The following TTC28 variants were observed in gnomAD, a reference collection of about 807,000 sequenced individuals.
TTC28 encodes the protein tetratricopeptide repeat protein 28.
Under a neutral mutation model 198.0 loss-of-function variants are expected in TTC28, and 61 were observed. That is an observed-to-expected ratio of 0.31 (90% CI 0.25 to 0.38). The LOEUF is 0.38. Ranked by LOEUF, TTC28 falls within the 10% of genes least tolerant of loss-of-function variation. The pLI is 1.00. For synonymous variants in TTC28, 1,171 were observed against 1,297.8 expected (o/e 0.90, Z 2.10); for missense variants, 2,678 against 3,164.0 (o/e 0.85, Z 3.69).
At chr22:28,197,926 A>C (rs1450575769) in intron 5 of TTC28, among the ~76,000 whole-genome samples, 1 of 152,138 alleles carries the variant, frequency 6.6e-6, no homozygotes, top group African/African-American at 2.4e-5. Context: ...TTAGTGATTA[A>C]GGGGTCATAA....
At chr22:28,516,003 G>A (rs768762833) in intron 2 of TTC28, among the ~76,000 whole-genome samples, 13 of 151,916 alleles carry the variant, frequency 8.6e-5, no homozygotes, top group South Asian at 8.3e-4. Context: ...AAAATTAACC[G>A]GGCGTGGTCG....
chr22:28,285,669 T>C (rs1190446667), intron 5 of TTC28, among the ~76,000 whole-genome samples: 3 of 152,196 alleles, frequency 2.0e-5, no homozygotes. Context: ...AATTACATTG[T>C]ACACCTTGAA....
intron 12 of TTC28, among the ~76,000 whole-genome samples, chr22:28,056,852 T>C (rs1184045141): frequency 6.6e-6 from 1 of 152,198 alleles, no homozygotes; most frequent in Non-Finnish European, 1.5e-5. Flanking sequence ...CAGAGATTAA[T>C]TAGGCTTGTT....
At chr22:28,225,711 C>A (rs1245599268) in intron 5 of TTC28, among the ~76,000 whole-genome samples, 1 of 152,198 alleles carries the variant, frequency 6.6e-6, no homozygotes, top group Non-Finnish European at 1.5e-5. Flanking sequence ...ATCACCACGG[C>A]AGGCAACATA....
At chr22:28,511,554 C>T (rs753899882) in intron 2 of TTC28, among the ~76,000 whole-genome samples, 8 of 152,036 alleles carry the variant, frequency 5.3e-5, no homozygotes, top group South Asian at 2.1e-4. Context: ...CTATCCTGGC[C>T]GGGCACAGTG....
intron 2 of TTC28, among the ~76,000 whole-genome samples, chr22:28,466,053 T>C (rs1428971002): frequency 5.3e-5 from 8 of 152,230 alleles, no homozygotes; most frequent in Non-Finnish European, 1.0e-4. Context: ...CTTTATTCTG[T>C]GTGGCCAAAG....
At chr22:28,017,698 C>A (rs999626099) in intron 13 of TTC28, among the ~76,000 whole-genome samples, 1 of 152,158 alleles carries the variant, frequency 6.6e-6, no homozygotes, top group Non-Finnish European at 1.5e-5. Context: ...TGGGGAGAAG[C>A]AGTACCTCTT....
At chr22:28,538,644 C>T (rs2049348897) in intron 2 of TTC28, among the ~76,000 whole-genome samples, 2 of 150,194 alleles carry the variant, frequency 1.3e-5, no homozygotes, top group South Asian at 2.1e-4. Context: ...ACTGCAACCT[C>T]GGCCTCCCAA....
In TTC28 at chr22:28,510,280, G is replaced by A. The variant is rs140775955; in HGVS notation, c.381+119272C>T. Among the ~76,000 whole-genome samples the A allele has an allele frequency of 5.4e-3, 820 of 152,186 alleles. 5 individuals are homozygous for A. Among genetic ancestry groups the A allele is most frequent in the African/African-American group, 0.019 (791 of 41,502 alleles). On this transcript the variant is annotated intron_variant, in intron 2 of 22. Coordinates refer to ENST00000397906, the MANE Select transcript of TTC28 (RefSeq NM_001145418.2). ...TGCAAAAATCCTCAATAAAATACTG[G>A]CAAACCGAATCCAGCAGCACATCAC...
rs1936971889 is a variant in TTC28 at position 27,980,444 on chromosome 22, G to A, written c.*1777C>T. On this transcript the variant is annotated 3_prime_UTR_variant, in exon 23 of 23. Transcript: ENST00000397906. Reference sequence around the variant, plus strand: ...TGGTTAAATTAAAAACCCCTAGGATGGAGCTCAGGAGAACACAGATTGGAT... The same window carrying A: ...TGGTTAAATTAAAAACCCCTAGGATAGAGCTCAGGAGAACACAGATTGGAT... 1 of 152,258 alleles carries A rather than the reference G, an allele frequency of 6.6e-6. No individual in the cohort carries two copies. The highest frequency in any genetic ancestry group is 1.5e-5 in the Non-Finnish European group (1 of 68,060). 9.4% of individuals were successfully genotyped at this position (152,258 alleles called of 1,614,324 possible).
Position 28,107,861 on chromosome 22 carries a change from C to T in TTC28, c.1984G>A (p.Ala662Thr). ...TTGTCGTGAAGGTCTTTAGCCAGTGCCAGATCCTGTTCGTAGTACTTCACT... is the reference window on the plus strand; with the variant it reads ...TTGTCGTGAAGGTCTTTAGCCAGTGTCAGATCCTGTTCGTAGTACTTCACT... Reference protein sequence around the residue: ...EAVKYYEQDLALAKDLHDKLS... With the variant: ...EAVKYYEQDLTLAKDLHDKLS... The change falls in exon 7 of 23, where the codon GCA becomes ACA. Residue 662 changes from alanine to threonine, a missense_variant. Transcript: ENST00000397906. The T allele has an allele frequency of 6.4e-7, 1 of 1,551,808 alleles. No individual in the cohort carries two copies. Among genetic ancestry groups the T allele is most frequent in the South Asian group, 1.2e-5 (1 of 84,058 alleles).
intron 13 of TTC28, among the ~76,000 whole-genome samples, chr22:28,029,357 T>C (rs1938978649): frequency 6.6e-6 from 1 of 152,150 alleles, no homozygotes; most frequent in South Asian, 2.1e-4. Flanking sequence ...GGGCGCACAA[T>C]GCCCTGCACA....
rs2050467186 is a variant in TTC28 at position 28,593,240 on chromosome 22, G to C, written c.381+36312C>G. ...GTGTTCGGTGGTCTTCAGCTTTTGAGAAAACTGAAAGTCTTCAGAGGTTCG... is the reference window on the plus strand; with the variant it reads ...GTGTTCGGTGGTCTTCAGCTTTTGACAAAACTGAAAGTCTTCAGAGGTTCG... On this transcript the variant is annotated intron_variant, in intron 2 of 22. Transcript: ENST00000397906. Among the ~76,000 whole-genome samples the C allele has an allele frequency of 2.0e-5, 3 of 152,152 alleles. No homozygotes were observed. In the South Asian group the frequency reaches 6.2e-4, roughly 32 times the overall value.
intron 2 of TTC28, among the ~76,000 whole-genome samples, chr22:28,464,244 AG>A (rs1287542170): frequency 6.6e-6 from 1 of 152,204 alleles, no homozygotes; most frequent in African/African-American, 2.4e-5. Context: ...TCTGGAGAAA[AG>A]GGAAAGAAGG....
intron 6 of TTC28, among the ~76,000 whole-genome samples, chr22:28,150,858 G>A (rs922159309): frequency 1.3e-5 from 2 of 152,200 alleles, no homozygotes; most frequent in African/African-American, 2.4e-5. Context: ...AAGAACAGCC[G>A]AAGGTAGGGT....
At chr22:28,376,967 A>G (rs1337328716) in intron 2 of TTC28, among the ~76,000 whole-genome samples, 1 of 152,142 alleles carries the variant, frequency 6.6e-6, no homozygotes, top group Non-Finnish European at 1.5e-5. Context: ...AGCCAGAGTG[A>G]AAAAAACCTT....
chr22:28,395,168 AT>A (rs1434354505), intron 2 of TTC28, among the ~76,000 whole-genome samples: 1 of 152,170 alleles, frequency 6.6e-6, no homozygotes, highest in Non-Finnish European at 1.5e-5. Flanking sequence ...AGAGATATGC[AT>A]GCATATGTAT....
intron 1 of TTC28, among the ~76,000 whole-genome samples, chr22:28,638,788 C>T (rs951354047): frequency 2.0e-5 from 3 of 152,198 alleles, no homozygotes; most frequent in Non-Finnish European, 2.9e-5. Flanking sequence ...ATTAGCAATA[C>T]ATTTTGTTGG....
At chr22:28,084,001 C>T (rs1031016520) in intron 12 of TTC28, among the ~76,000 whole-genome samples, 1 of 152,232 alleles carries the variant, frequency 6.6e-6, no homozygotes, top group Non-Finnish European at 1.5e-5. Context: ...AGTAGGTAAA[C>T]AAAGTGGCCA....
Sources: allele counts gnomAD v4.1 joint callset (sites outside exome capture counted in the v4.1 genomes callset), GRCh38; gene constraint gnomAD v4.1.1; transcripts MANE v1.5; gene names NCBI Gene and HGNC (gene_info 2026-07-23, HGNC 2026-07-21).